Variants in CHCHD3 observed in about 807,000 individuals in gnomAD.
CHCHD3 encodes MICOS complex subunit MIC19.
CHCHD3 carries 20 observed loss-of-function variants against 38.2 expected under a neutral mutation model. That is an observed-to-expected ratio of 0.52 (90% CI 0.37 to 0.76). CHCHD3 has a LOEUF of 0.76. Among genes scored for constraint, CHCHD3 ranks in the 30% least tolerant of loss-of-function variants. The pLI is 0.00. For missense variants in CHCHD3, 245 were observed against 279.2 expected, an observed-to-expected ratio of 0.88 and a Z score of 0.87; for synonymous variants, 82 against 100.0, an observed-to-expected ratio of 0.82 and a Z score of 1.07.
intron 4 of CHCHD3, among the ~76,000 whole-genome samples, chr7:132,901,736 T>C (rs931127552): frequency 9.2e-5 from 14 of 152,316 alleles, no homozygotes; most frequent in African/African-American, 3.4e-4. Context: ...GATAAGTAGA[T>C]TGCAAAAATT....
chr7:132,921,126 A>G (rs1469936001), intron 4 of CHCHD3, among the ~76,000 whole-genome samples: 2 of 152,216 alleles, frequency 1.3e-5, no homozygotes, highest in Non-Finnish European at 2.9e-5. Context: ...AGAACAAGAG[A>G]AGGAAAACAC....
At chr7:132,891,425 C>T (rs1177496574) in intron 4 of CHCHD3, among the ~76,000 whole-genome samples, 1 of 152,120 alleles carries the variant, frequency 6.6e-6, no homozygotes, top group Non-Finnish European at 1.5e-5. Flanking sequence ...CACTATAACA[C>T]CTAATATAAG....
chr7:132,856,525 T>C (rs181154438), intron 5 of CHCHD3, among the ~76,000 whole-genome samples: 51 of 152,344 alleles, frequency 3.3e-4, no homozygotes, highest in Non-Finnish European at 5.4e-4. Context: ...TACACACTCA[T>C]AGACATTACA....
chr7:132,787,273 G>A (rs1353421965), intron 7 of CHCHD3, among the ~76,000 whole-genome samples: 1 of 152,162 alleles, frequency 6.6e-6, no homozygotes, highest in Admixed American at 6.5e-5. Context: ...TTACATAGGA[G>A]AATGGCATTT....
At chr7:132,914,889 T>C (rs1810062804) in intron 4 of CHCHD3, among the ~76,000 whole-genome samples, 2 of 152,064 alleles carry the variant, frequency 1.3e-5, no homozygotes, top group South Asian at 2.1e-4. Flanking sequence ...AGGCTAGGCG[T>C]GGTGGCCCAT....
At chr7:132,957,831 C>G (rs559904091) in intron 4 of CHCHD3, among the ~76,000 whole-genome samples, 1 of 152,074 alleles carries the variant, frequency 6.6e-6, no homozygotes, top group African/African-American at 2.4e-5. Flanking sequence ...CCAGTTGGCA[C>G]GTGGTACAGG....
chr7:132,836,192 C>A (rs1807776478), intron 6 of CHCHD3, among the ~76,000 whole-genome samples: 1 of 152,108 alleles, frequency 6.6e-6, no homozygotes, highest in Admixed American at 6.5e-5. Context: ...CAGCTCACTG[C>A]AACCTTTGCC....
rs561363563 is a variant in CHCHD3, at chr7:133,045,892, T to C, written c.170-21265A>G. On this transcript the variant is annotated intron_variant, in intron 2 of 7. Coordinates refer to ENST00000262570, the MANE Select transcript of CHCHD3 (RefSeq NM_017812.4). ...CCTCCAGCCATGTGATGTACCCCCT[T>C]CCCTTTCATCTCCTGCCATGATTGT... is the stretch of plus-strand genomic sequence containing the variant. 8.9e-4 allele frequency among the ~76,000 whole-genome samples: 136 copies of C among 152,068 alleles called. 1 individual carries two copies. Among genetic ancestry groups the C allele is most frequent in the South Asian group, 1.5e-3 (7 of 4,814 alleles).
rs943425768 is a variant in CHCHD3 at position 132,915,573 on chromosome 7, G to A, written c.370-29828C>T. Among the ~76,000 whole-genome samples the A allele has an allele frequency of 4.0e-5, 6 of 151,670 alleles. No homozygotes were observed. In the South Asian group the frequency reaches 6.3e-4, roughly 16 times the overall value. On this transcript the variant is annotated intron_variant, in intron 4 of 7. Coordinates refer to ENST00000262570, the MANE Select transcript of CHCHD3 (RefSeq NM_017812.4). ...TTTTATTGCCTCACTCTTTGTTCTTGCACTTAGTGAGCTAAAACATATGTG... is the reference window on the plus strand; with the variant it reads ...TTTTATTGCCTCACTCTTTGTTCTTACACTTAGTGAGCTAAAACATATGTG...
intron 4 of CHCHD3, among the ~76,000 whole-genome samples, chr7:132,948,318 C>A (rs1810947562): frequency 6.6e-6 from 1 of 151,882 alleles, no homozygotes; most frequent in African/African-American, 2.4e-5. Context: ...GGAGGCTGGT[C>A]AAAGAGATGT....
intron 1 of CHCHD3, among the ~76,000 whole-genome samples, chr7:133,078,440 G>A (rs1815066213): frequency 6.6e-6 from 1 of 152,320 alleles, no homozygotes; most frequent in South Asian, 2.1e-4. Flanking sequence ...CAGAGGCTGG[G>A]GCAGGAGGAT....
At chr7:133,070,875 G>C (rs564384079) in intron 1 of CHCHD3, among the ~76,000 whole-genome samples, 1 of 152,322 alleles carries the variant, frequency 6.6e-6, no homozygotes, top group African/African-American at 2.4e-5. Context: ...AGCACATGTA[G>C]CCAGGCTTTG....
At chr7:133,007,422 G>C (rs1812730280) in intron 3 of CHCHD3, among the ~76,000 whole-genome samples, 2 of 152,136 alleles carry the variant, frequency 1.3e-5, no homozygotes, top group African/African-American at 4.8e-5. Context: ...TTAAATCTTA[G>C]TTTTATTTGA....
chr7:133,066,953 T>C (rs1209614986), intron 2 of CHCHD3, among the ~76,000 whole-genome samples: 2 of 152,228 alleles, frequency 1.3e-5, no homozygotes, highest in East Asian at 3.8e-4. Context: ...CAAGATGTCA[T>C]TCAAATTAAA....
rs533584694 is a variant in CHCHD3, at chr7:133,062,179, T to C, written c.169+7963A>G. Among the ~76,000 whole-genome samples, 4 of 152,060 alleles carry C rather than the reference T, an allele frequency of 2.6e-5. No individual in the cohort carries two copies. The South Asian group carries it at 8.3e-4, about 32-fold the overall frequency. ...GGCTGACAGCTGGAAAGTCAATGGA[T>C]TGATTTTGAACCTCTCTGCTTGCAA... On this transcript the variant is annotated intron_variant, in intron 2 of 7. Transcript: ENST00000262570.
intron 6 of CHCHD3, among the ~76,000 whole-genome samples, chr7:132,810,562 A>G (rs371596634): frequency 1.3e-5 from 2 of 152,228 alleles, no homozygotes; most frequent in East Asian, 3.8e-4. Context: ...TACGAAGTAT[A>G]GAAAACAACA....
chr7:132,878,522 C>T lies in CHCHD3; in HGVS notation c.453+7140G>A, dbSNP rs555111963. 6.6e-5 allele frequency among the ~76,000 whole-genome samples: 10 copies of T among 152,310 alleles called. No homozygotes were observed. The South Asian group carries it at 2.1e-3, about 32-fold the overall frequency. ...AGCAACTCTCTCCACAGGTGACAAACTAGTAATATACTTTTCTTCTTAATG... is the reference window on the plus strand; with the variant it reads ...AGCAACTCTCTCCACAGGTGACAAATTAGTAATATACTTTTCTTCTTAATG... On this transcript the variant is annotated intron_variant, in intron 5 of 7. Transcript: ENST00000262570.
chr7:132,786,353 G>T (rs531872743), intron 7 of CHCHD3, among the ~76,000 whole-genome samples: 1 of 152,184 alleles, frequency 6.6e-6, no homozygotes, highest in Non-Finnish European at 1.5e-5. Flanking sequence ...CCCAGAGGGG[G>T]AGAACGCAGA....
chr7:132,946,678 A>T (rs1410917592), intron 4 of CHCHD3, among the ~76,000 whole-genome samples: 1 of 151,898 alleles, frequency 6.6e-6, no homozygotes, highest in Non-Finnish European at 1.5e-5. Context: ...AAAACCTGGT[A>T]TATATCAGAC....
Sources: allele counts gnomAD v4.1 joint callset (sites outside exome capture counted in the v4.1 genomes callset), GRCh38; gene constraint gnomAD v4.1.1; transcripts MANE v1.5; gene names NCBI Gene and HGNC (gene_info 2026-07-23, HGNC 2026-07-21).